Variants in KCNK5 observed in about 807,000 individuals in gnomAD.
KCNK5 encodes potassium two pore domain channel subfamily K member 5, also known as potassium channel subfamily K member 5.
In KCNK5, 18 loss-of-function variants were observed where a neutral mutation model predicts 32.9. The observed-to-expected ratio is 0.55, with a 90% confidence interval of 0.38 to 0.81. KCNK5 has a LOEUF of 0.81. Ranked by LOEUF, KCNK5 falls within the 30% of genes least tolerant of loss-of-function variation. KCNK5 has a pLI of 0.00. For missense variants in KCNK5, 507 were observed against 651.0 expected (o/e 0.78, Z 2.41); for synonymous variants, 276 against 275.3 (o/e 1.00, Z -0.03).
At chr6:39,221,813 G>T (rs935916025) in intron 1 of KCNK5, among the ~76,000 whole-genome samples, 12 of 152,092 alleles carry the variant, frequency 7.9e-5, no homozygotes, top group African/African-American at 2.9e-4. Context: ...AATCCCCCCA[G>T]CCCCTTCAAC....
intron 1 of KCNK5, among the ~76,000 whole-genome samples, chr6:39,216,743 G>A (rs575351033): frequency 6.6e-6 from 1 of 152,256 alleles, no homozygotes; most frequent in African/African-American, 2.4e-5. Context: ...CTGTCATGCG[G>A]GGCTGGTGTG....
intron 1 of KCNK5, among the ~76,000 whole-genome samples, chr6:39,206,407 G>A (rs770999759): frequency 1.6e-4 from 24 of 152,218 alleles, no homozygotes; most frequent in Non-Finnish European, 2.9e-5. Context: ...CCTTGGGGTG[G>A]GGTCAAGGAT....
chr6:39,211,144 C>G (rs1355984428), intron 1 of KCNK5, among the ~76,000 whole-genome samples: 6 of 152,174 alleles, frequency 3.9e-5, no homozygotes, highest in African/African-American at 1.4e-4. Flanking sequence ...GTAAAATCAC[C>G]TGATCAGTGT....
intron 1 of KCNK5, 82 bp downstream of exon 1, chr6:39,228,844 G>A (rs1583726643): frequency 1.9e-5 from 26 of 1,394,936 alleles, no homozygotes; most frequent in African/African-American, 4.3e-5. Context: ...GTCACCCAAA[G>A]CTGTGAAGGG....
At position 39,194,258 on chromosome 6, in the gene KCNK5, A is replaced by T; in HGVS notation, c.545T>A (p.Phe182Tyr). The T allele has an allele frequency of 6.2e-7, 1 of 1,614,082 alleles. No individual in the cohort carries two copies. The highest frequency in any genetic ancestry group is 8.5e-7 in the Non-Finnish European group (1 of 1,179,960). ...LVHLVIPPFV[F>Y]MVTEGWNYIE... ...GTAGTTCCACCCCTCAGTCACCATG[A>T]ATACGAAGGGTGGGATCACCAGGTG... Residue 182 changes from phenylalanine to tyrosine, a missense_variant, in exon 4 of 5, where the codon TTC becomes TAC. By Grantham distance (22) the Phe-to-Tyr change is conservative. Coordinates refer to ENST00000359534, the MANE Select transcript of KCNK5 (RefSeq NM_003740.4). This position sits in a 1 kb window ranked among gnomAD's most constrained non-coding sequence, Gnocchi z 4.7.
At chr6:39,196,090 A>C in intron 1 of KCNK5, 103 bp from the exon 2 acceptor site, 1 of 714,394 alleles carries the variant, frequency 1.4e-6, no homozygotes, top group Non-Finnish European at 2.3e-6. Flanking sequence ...TTTAGTCATC[A>C]CAAGAAGAAG....
chr6:39,224,008 G>A (rs13217135), intron 1 of KCNK5, among the ~76,000 whole-genome samples: 16 of 150,670 alleles, frequency 1.1e-4, no homozygotes, highest in Non-Finnish European at 1.6e-4. Flanking sequence ...CTAGTCAAAC[G>A]CTCAAAGCAA....
chr6:39,228,845 C>G lies in KCNK5; in HGVS notation c.186+81G>C, dbSNP rs1771717390. On this transcript the variant is annotated intron_variant, in intron 1 of 4. Coordinates refer to ENST00000359534, the MANE Select transcript of KCNK5 (RefSeq NM_003740.4). The stretch of plus-strand genomic sequence containing the variant: ...CACAGGGACTGAGGGTCACCCAAAG[C>G]TGTGAAGGGGTCTTCCTTTCAGCGC... The G allele has an allele frequency of 3.6e-6, 5 of 1,403,424 alleles. No individual in the cohort carries two copies. The African/African-American group carries it at 7.1e-5, about 20-fold the overall frequency. The allele number at this position is 1,403,424 out of a possible 1,614,324, so 86.9% of individuals were successfully genotyped here. A position where few individuals can be genotyped will look rare whatever the true frequency, so the allele number is the denominator to read the frequency against.
rs374875598 is a variant in KCNK5, at chr6:39,195,288, C to A, written c.299-528G>T. Among the ~76,000 whole-genome samples, 21 of 152,330 alleles carry A rather than the reference C, an allele frequency of 1.4e-4. No homozygotes were observed. In the South Asian group the frequency reaches 2.7e-3, roughly 20 times the overall value. On this transcript the variant is annotated intron_variant, in intron 2 of 4. Coordinates refer to ENST00000359534, the MANE Select transcript of KCNK5 (RefSeq NM_003740.4). ...TTTCGCCTTGGTTCCCAAACACATG[C>A]GGAGGCCTTGTGTTTTCATCCCCAG...
Position 39,191,329 on chromosome 6 carries a change from G to A in KCNK5, c.1061C>T (p.Thr354Ile). ...CAGTGTCTGTGACACCTCTTCCAAGGTGGGCACCCGGTTCTTGGAGTAGAC... is the reference window on the plus strand; with the variant it reads ...CAGTGTCTGTGACACCTCTTCCAAGATGGGCACCCGGTTCTTGGAGTAGAC... Reference protein sequence around the residue: ...LVVYSKNRVPTLEEVSQTLRS... With the variant: ...LVVYSKNRVPILEEVSQTLRS... The change falls in exon 5 of 5, where the codon ACC (threonine) becomes ATC (isoleucine). Residue 354 changes from threonine (T) to isoleucine (I), a missense_variant. Physicochemically the swap from Thr to Ile is moderately conservative, Grantham distance 89 (BLOSUM62 -1). Around this residue, in one of 6 missense-constraint regions of KCNK5, gnomAD observed 252 missense variants for 250.8 expected, o/e 1.00. Transcript: ENST00000359534. The surrounding 1 kb of genome is among the most constrained non-coding windows in gnomAD (Gnocchi z 5.8). 4.3e-6 allele frequency: 7 copies of A among 1,613,972 alleles called. No individual in the cohort carries two copies. Among genetic ancestry groups the A allele is most frequent in the Non-Finnish European group, 5.9e-6 (7 of 1,180,016 alleles).
intron 1 of KCNK5, among the ~76,000 whole-genome samples, chr6:39,216,188 A>C (rs2561397): frequency 6.6e-6 from 1 of 151,944 alleles, no homozygotes; most frequent in East Asian, 1.9e-4. Flanking sequence ...AGGAGGCTGA[A>C]ACTGGAGAAT....
chr6:39,217,014 G>A lies in KCNK5; in HGVS notation c.186+11912C>T, dbSNP rs577976433. Reference sequence around the variant, plus strand: ...CACATGCCTGTAATCCCAGCTACTCGGAGGCTGAGGTGGGAGAATCGCTTG... The same window carrying A: ...CACATGCCTGTAATCCCAGCTACTCAGAGGCTGAGGTGGGAGAATCGCTTG... On this transcript the variant is annotated intron_variant, in intron 1 of 4. Coordinates refer to ENST00000359534, the MANE Select transcript of KCNK5 (RefSeq NM_003740.4). Among the ~76,000 whole-genome samples, 304 of 149,994 alleles carry A rather than the reference G, an allele frequency of 2.0e-3. 1 individual carries two copies. Among genetic ancestry groups the A allele is most frequent in the South Asian group, 7.7e-3 (36 of 4,694 alleles).
intron 1 of KCNK5, among the ~76,000 whole-genome samples, chr6:39,214,166 T>A (rs1043827990): frequency 6.6e-6 from 1 of 152,176 alleles, no homozygotes; most frequent in African/African-American, 2.4e-5. Context: ...AACTCTGAAT[T>A]TCCAGTGTGG....
At chr6:39,193,438 C>G (rs992902453) in intron 4 of KCNK5, among the ~76,000 whole-genome samples, 2 of 152,256 alleles carry the variant, frequency 1.3e-5, no homozygotes, top group African/African-American at 4.8e-5. Flanking sequence ...AGAACAGAGG[C>G]CTCTGGAGCA....
chr6:39,212,096 C>T (rs1401289610), intron 1 of KCNK5, among the ~76,000 whole-genome samples: 2 of 152,154 alleles, frequency 1.3e-5, no homozygotes, highest in African/African-American at 2.4e-5. Context: ...CAAGACCAGC[C>T]TAGCCAACAT....
chr6:39,217,523 T>G (rs1771464385), intron 1 of KCNK5, among the ~76,000 whole-genome samples: 1 of 152,190 alleles, frequency 6.6e-6, no homozygotes, highest in African/African-American at 2.4e-5. Context: ...TTGCCCCCAC[T>G]TAGCTCTAAT....
chr6:39,208,596 C>T (rs1239298048), intron 1 of KCNK5, among the ~76,000 whole-genome samples: 4 of 152,254 alleles, frequency 2.6e-5, no homozygotes, highest in Non-Finnish European at 5.9e-5. Flanking sequence ...CCTCCATCCT[C>T]TCTGGAATAA....
chr6:39,192,979 C>T (rs1440897995), intron 4 of KCNK5, among the ~76,000 whole-genome samples: 1 of 152,168 alleles, frequency 6.6e-6, no homozygotes, highest in Non-Finnish European at 1.5e-5. Flanking sequence ...CCTGAGTGGT[C>T]CTGTTAATCC....
Position 39,190,740 on chromosome 6 carries a change from G to A in KCNK5, c.*150C>T. ...TGTCCCGGGCATACATCTAGCTGAG[G>A]ATGATGGAAGGTTAGGAAGGCCCCT... On this transcript the variant is annotated 3_prime_UTR_variant, in exon 5 of 5. Coordinates refer to ENST00000359534, the MANE Select transcript of KCNK5 (RefSeq NM_003740.4). The A allele has an allele frequency of 1.4e-6, 1 of 697,580 alleles. No individual in the cohort carries two copies. Among genetic ancestry groups the A allele is most frequent in the Non-Finnish European group, 2.2e-6 (1 of 451,620 alleles). The allele number at this position is 697,580 out of a possible 1,614,324, so 43.2% of individuals were successfully genotyped here.
Sources: allele counts gnomAD v4.1 joint callset (sites outside exome capture counted in the v4.1 genomes callset), GRCh38; gene constraint gnomAD v4.1.1; regional missense constraint gnomAD v4.1.1; non-coding constraint Gnocchi (gnomAD v3.1); transcripts MANE v1.5; gene names NCBI Gene and HGNC (gene_info 2026-07-23, HGNC 2026-07-21).